Variants in PLCB1 observed in about 807,000 individuals in gnomAD.
PLCB1 encodes 1-phosphatidylinositol 4,5-bisphosphate phosphodiesterase beta-1.
In PLCB1, 46 loss-of-function variants were observed where a neutral mutation model predicts 161.8. That is an observed-to-expected ratio of 0.28 (90% CI 0.22 to 0.36). The LOEUF is 0.36. Ranked by LOEUF, PLCB1 falls within the 10% of genes least tolerant of loss-of-function variation. PLCB1 has a pLI of 1.00. For missense variants in PLCB1, 1,016 were observed against 1,472.5 expected, an observed-to-expected ratio of 0.69 and a Z score of 5.07; for synonymous variants, 517 against 503.7, an observed-to-expected ratio of 1.03 and a Z score of -0.35.
At chr20:8,788,100 G>A (rs937644942) in intron 27 of PLCB1, among the ~76,000 whole-genome samples, 2 of 152,158 alleles carry the variant, frequency 1.3e-5, no homozygotes, top group Non-Finnish European at 2.9e-5. Flanking sequence ...GTAGGGTCTT[G>A]CCCCAAATTT....
At chr20:8,470,557 A>G (rs1190110422) in intron 3 of PLCB1, among the ~76,000 whole-genome samples, 1 of 151,862 alleles carries the variant, frequency 6.6e-6, no homozygotes, top group Non-Finnish European at 1.5e-5. Context: ...TTCTTTTTCC[A>G]TCCTTTGAGA....
At chr20:8,209,609 C>A (rs1454372993) in intron 2 of PLCB1, among the ~76,000 whole-genome samples, 1 of 151,946 alleles carries the variant, frequency 6.6e-6, no homozygotes, top group African/African-American at 2.4e-5. Flanking sequence ...TCAATTCCGG[C>A]ATCATAATTT....
intron 2 of PLCB1, among the ~76,000 whole-genome samples, chr20:8,157,890 G>A (rs1221808786): frequency 6.6e-6 from 1 of 152,124 alleles, no homozygotes; most frequent in Non-Finnish European, 1.5e-5. Flanking sequence ...CATAACAACA[G>A]CAATGCTTGT....
intron 11 of PLCB1, among the ~76,000 whole-genome samples, chr20:8,698,646 T>C (rs73080034): frequency 0.08 from 12,207 of 152,116 alleles, 595 homozygotes; most frequent in African/African-American, 0.13. Context: ...GGAGCTGGAG[T>C]GTCTCAGTAA....
intron 3 of PLCB1, among the ~76,000 whole-genome samples, chr20:8,462,481 T>A (rs1489732347): frequency 6.6e-6 from 1 of 152,206 alleles, no homozygotes; most frequent in Non-Finnish European, 1.5e-5. Context: ...TATTTATAGC[T>A]TGTAAGGCAG....
intron 3 of PLCB1, among the ~76,000 whole-genome samples, chr20:8,531,268 G>A (rs1984802142): frequency 6.6e-6 from 1 of 151,992 alleles, no homozygotes; most frequent in Admixed American, 6.6e-5. Flanking sequence ...ATATTAAAGA[G>A]ACAAATGTCA....
chr20:8,727,779 T>C (rs943026753), intron 17 of PLCB1, among the ~76,000 whole-genome samples: 2 of 152,094 alleles, frequency 1.3e-5, no homozygotes, highest in African/African-American at 4.8e-5. Flanking sequence ...ATAAGATATA[T>C]GTAAAGAAAT....
chr20:8,443,948 C>G (rs747025609), intron 3 of PLCB1, among the ~76,000 whole-genome samples: 1 of 152,156 alleles, frequency 6.6e-6, no homozygotes, highest in Non-Finnish European at 1.5e-5. Context: ...GTTCTTCCAG[C>G]CTGCTTACAC....
intron 3 of PLCB1, among the ~76,000 whole-genome samples, chr20:8,475,658 G>A (rs950477276): frequency 2.6e-5 from 4 of 152,052 alleles, no homozygotes; most frequent in African/African-American, 4.8e-5. Context: ...GATAATTGGT[G>A]TATGTAAAGG....
At chr20:8,371,074 G>A (rs557133796) in intron 2 of PLCB1, 1 of 281,842 alleles carries the variant, frequency 3.5e-6, no homozygotes, top group African/African-American at 2.2e-5. Context: ...TGACTCCCAG[G>A]ATTATATTCA....
At chr20:8,712,562 A>C (rs1300961000) in intron 12 of PLCB1, among the ~76,000 whole-genome samples, 1 of 152,234 alleles carries the variant, frequency 6.6e-6, no homozygotes, top group East Asian at 1.9e-4. Flanking sequence ...TGACTCTGAC[A>C]TCCTACTTGT....
intron 2 of PLCB1, among the ~76,000 whole-genome samples, chr20:8,244,087 C>T (rs73897390): frequency 0.026 from 3,919 of 151,920 alleles, 164 homozygotes; most frequent in African/African-American, 0.089. Flanking sequence ...ACTGGAATGG[C>T]AAAAATTGAA....
At chr20:8,557,928 A>G (rs73076112) in intron 3 of PLCB1, among the ~76,000 whole-genome samples, 14,145 of 151,702 alleles carry the variant, frequency 0.093, 734 homozygotes, top group South Asian at 0.14. Context: ...AAAATGAACA[A>G]CTCTCCTTGA....
chr20:8,547,400 G>A (rs1347411024), intron 3 of PLCB1, among the ~76,000 whole-genome samples: 3 of 152,118 alleles, frequency 2.0e-5, no homozygotes, highest in African/African-American at 7.2e-5. Flanking sequence ...TGAGACTCAG[G>A]AAACTAGTCC....
intron 2 of PLCB1, among the ~76,000 whole-genome samples, chr20:8,242,900 C>T (rs1421262576): frequency 1.3e-5 from 2 of 151,852 alleles, no homozygotes; most frequent in Non-Finnish European, 2.9e-5. Context: ...CATAAGGCTA[C>T]AAATGGGGTG....
chr20:8,772,511 A>T (rs1982739362), intron 26 of PLCB1, among the ~76,000 whole-genome samples: 1 of 152,116 alleles, frequency 6.6e-6, no homozygotes, highest in Non-Finnish European at 1.5e-5. Context: ...GGGTATACCG[A>T]CTTACTCGGA....
chr20:8,606,683 A>G (rs1987768102), intron 3 of PLCB1, among the ~76,000 whole-genome samples: 1 of 152,216 alleles, frequency 6.6e-6, no homozygotes, highest in Non-Finnish European at 1.5e-5. Context: ...CAGGCTTTGA[A>G]TGAGGGACTT....
chr20:8,364,648 A>G (rs1241163156), intron 2 of PLCB1, among the ~76,000 whole-genome samples: 1 of 152,236 alleles, frequency 6.6e-6, no homozygotes, highest in Admixed American at 6.5e-5. Flanking sequence ...AGGATGAAAT[A>G]CAGCCTCTGT....
chr20:8,303,253 G>A (rs112354787), intron 2 of PLCB1, among the ~76,000 whole-genome samples: 9 of 152,250 alleles, frequency 5.9e-5, no homozygotes, highest in East Asian at 1.9e-4. Context: ...GGGTTTCAAC[G>A]TAAAGGTCAT....
Sources: gnomAD v4.1 joint callset for allele counts (sites outside exome capture counted in the v4.1 genomes callset) on GRCh38, gnomAD v4.1.1 for gene constraint, MANE v1.5 for transcripts, NCBI Gene and HGNC (gene_info 2026-07-23, HGNC 2026-07-21) for gene names.